UCKL1: variants seen among roughly 807,000 people sequenced by gnomAD.
The protein encoded by UCKL1 is uridine-cytidine kinase 1 like 1.
A neutral mutation model predicts 59.2 loss-of-function variants in UCKL1; 65 were observed. The ratio of observed to expected loss-of-function variants is 1.10; its 90% CI spans 0.90 to 1.35. The LOEUF is 1.35. Ranked by LOEUF, UCKL1 falls within the 40% of genes most tolerant of loss-of-function variation. The pLI is 0.00. For missense variants in UCKL1, 703 were observed against 784.3 expected (o/e 0.90, Z 1.24); for synonymous variants, 410 against 323.1 (o/e 1.27, Z -2.88).
Position 63,956,416 on chromosome 20 carries a change from T to C in UCKL1, c.-44A>G, listed in dbSNP as rs2058684113. The C allele has an allele frequency of 7.5e-7, 1 of 1,341,372 alleles. No homozygotes were observed. 83.1% of individuals were successfully genotyped at this position (1,341,372 alleles called of 1,614,324 possible). On this transcript the variant is annotated 5_prime_UTR_variant, in exon 1 of 15. The change abolishes an upstream ATG in the 5' untranslated region. Transcript: ENST00000354216. ...TGCGGGCCTGGCCGGGCGGCGCGCA[T>C]GGGCCGCCGGGAGCTGGCGGGTCCC...
intron 1 of UCKL1, chr20:63,953,701 G>A (rs2058075450): frequency 6.6e-6 from 1 of 152,194 alleles, no homozygotes; most frequent in Admixed American, 6.6e-5. Context: ...AAAAAAAAAA[G>A]AAAGGAAGAA....
In UCKL1 at chr20:63,946,421, G is replaced by A. The variant is rs371314859; in HGVS notation, c.304+32C>T. Reference sequence around the variant, plus strand: ...GGAGGGGAGCCGGAGGCAGGCGTCCGGCAGCAGGTCCCACCCCCCCGCTGC... The same window carrying A: ...GGAGGGGAGCCGGAGGCAGGCGTCCAGCAGCAGGTCCCACCCCCCCGCTGC... On this transcript the variant is annotated intron_variant, in intron 2 of 14. Coordinates refer to ENST00000354216, the MANE Select transcript of UCKL1 (RefSeq NM_017859.4). 3.1e-4 allele frequency: 476 copies of A among 1,518,622 alleles called. 4 individuals are homozygous for A. Among genetic ancestry groups the A allele is most frequent in the South Asian group, 2.5e-3 (194 of 78,408 alleles). The allele number at this position is 1,518,622 out of a possible 1,614,324, so 94.1% of individuals were successfully genotyped here. A position where few individuals can be genotyped will look rare whatever the true frequency, so the allele number is the denominator to read the frequency against.
intron 9 of UCKL1, 32 bp from the exon 10 acceptor site, chr20:63,941,075 G>A (rs1331825369): frequency 1.3e-6 from 2 of 1,597,840 alleles, no homozygotes; most frequent in South Asian, 1.1e-5. Flanking sequence ...GGGAGCACGC[G>A]CCCGGGGCCG....
intron 1 of UCKL1, among the ~76,000 whole-genome samples, 155 bp from the exon 2 acceptor site, chr20:63,946,798 C>T (rs2056361063): frequency 6.6e-6 from 1 of 152,064 alleles, no homozygotes; most frequent in African/African-American, 2.4e-5. Flanking sequence ...TCTGCCTGGG[C>T]TGGGCGTGGT....
intron 8 of UCKL1, 126 bp from the exon 9 acceptor site, chr20:63,941,334 C>T (rs1419721078): frequency 1.4e-6 from 2 of 1,393,448 alleles, no homozygotes; most frequent in South Asian, 1.4e-5. Context: ...AGGTGCAGAG[C>T]GGGCCTGACT....
In UCKL1 at chr20:63,940,857, C is replaced by CTG; in HGVS notation, c.1117-3_1117-2dup. Reference sequence around the variant, plus strand: ...CCTGCGGGGTCTGTACGACGCAGTCCTGTGGGGTGCAGGGTGAGGACTCCG... The same window carrying CTG: ...CCTGCGGGGTCTGTACGACGCAGTCCTGTGTGGGGTGCAGGGTGAGGACTCCG... On this transcript the variant is annotated splice_acceptor_variant, in intron 10 of 14. Transcript: ENST00000354216. LOFTEE classifies it high-confidence loss of function. 6.5e-7 allele frequency: 1 copy of CTG among 1,539,298 alleles called. No homozygotes were observed. The highest frequency in any genetic ancestry group is 1.4e-5 in the African/African-American group (1 of 73,300).
At chr20:63,940,506 G>A in intron 12 of UCKL1, 21 bp from the exon 13 acceptor site, 2 of 1,607,472 alleles carry the variant, frequency 1.2e-6, no homozygotes, top group Non-Finnish European at 1.7e-6. Context: ...CAGGGGTCAG[G>A]CTGCAGGTGG....
rs1483455511 is a variant in UCKL1, at chr20:63,943,648, C to A, written c.923+5G>T. 1.9e-6 allele frequency: 3 copies of A among 1,612,620 alleles called. No individual in the cohort carries two copies. Among genetic ancestry groups the A allele is most frequent in the Non-Finnish European group, 2.5e-6 (3 of 1,179,908 alleles). On this transcript the variant is annotated splice_donor_5th_base_variant and intron_variant, in intron 8 of 14. Transcript: ENST00000354216. ...CATCTGTGCAGACAGCTGTGCAAGT[C>A]TTACCTGACGCTGAGTTCACGCTGT... is the stretch of plus-strand genomic sequence containing the variant.
intron 5 of UCKL1, 135 bp from the exon 6 acceptor site, chr20:63,944,869 G>A: frequency 1.9e-6 from 2 of 1,062,824 alleles, no homozygotes; most frequent in Non-Finnish European, 2.7e-6. Context: ...CCTGGCAGGT[G>A]GGGAGGAGTG....
chr20:63,949,040 C>G (rs2057138364), intron 1 of UCKL1, among the ~76,000 whole-genome samples: 1 of 152,096 alleles, frequency 6.6e-6, no homozygotes, highest in Admixed American at 6.5e-5. Flanking sequence ...AGTGTGGCAG[C>G]ATTTAAAGCA....
chr20:63,942,852 G>A (rs1569048185), intron 8 of UCKL1: 1 of 400,524 alleles, frequency 2.5e-6, no homozygotes, highest in African/African-American at 2.1e-5. Flanking sequence ...AAGACCTGCG[G>A]GTTCCTAGGC....
intron 7 of UCKL1, 84 bp downstream of exon 7, chr20:63,944,313 G>A: frequency 7.4e-7 from 1 of 1,357,474 alleles, no homozygotes; most frequent in Non-Finnish European, 1.0e-6. Context: ...GGGATGAGGT[G>A]ACCAGGCCAC....
intron 1 of UCKL1, among the ~76,000 whole-genome samples, chr20:63,953,075 A>C (rs1486115245): frequency 6.6e-6 from 1 of 152,064 alleles, no homozygotes; most frequent in Non-Finnish European, 1.5e-5. Flanking sequence ...GAGAAACCTT[A>C]TCTCTACTAG....
chr20:63,945,562 T>C lies in UCKL1; in HGVS notation c.654+89A>G. On this transcript the variant is annotated intron_variant, in intron 5 of 14. Transcript: ENST00000354216. ...CTAGGCCTATACAGTGTGGAGGCCTTGGGGACAGGGCAGGAGGACGCACAC... is the reference window on the plus strand; with the variant it reads ...CTAGGCCTATACAGTGTGGAGGCCTCGGGGACAGGGCAGGAGGACGCACAC... 3.6e-6 allele frequency: 5 copies of C among 1,396,936 alleles called. No individual in the cohort carries two copies. In the South Asian group the frequency reaches 6.3e-5, roughly 18 times the overall value. The allele number at this position is 1,396,936 out of a possible 1,614,324, so 86.5% of individuals were successfully genotyped here.
chr20:63,955,750 C>G (rs2058512182), intron 1 of UCKL1: 1 of 152,296 alleles, frequency 6.6e-6, no homozygotes, highest in South Asian at 2.1e-4. Flanking sequence ...GCGGGTTCCT[C>G]CCGCTGCACC....
In UCKL1 at chr20:63,941,135, C is replaced by G; in HGVS notation, c.997G>C (p.Val333Leu). The change falls in exon 9 of 15, where the codon GTA (valine) becomes CTA (leucine). Residue 333 changes from valine (V) to leucine (L), a missense_variant. Coordinates refer to ENST00000354216, the MANE Select transcript of UCKL1 (RefSeq NM_017859.4). Reference sequence around the variant, plus strand: ...CTGATGATGGTGTGCATGCCCCGTACCTGCGGCGTGCTCTTCAGGACGCTC... The same window carrying G: ...CTGATGATGGTGTGCATGCCCCGTAGCTGCGGCGTGCTCTTCAGGACGCTC... ...TLSVLKSTPQ[V>L]RGMHTIIRDK... is the part of the protein sequence containing the mutation. 1 of 1,595,764 alleles carries G rather than the reference C, an allele frequency of 6.3e-7. No homozygotes were observed. Among genetic ancestry groups the G allele is most frequent in the Non-Finnish European group, 8.5e-7 (1 of 1,174,734 alleles).
In UCKL1 at chr20:63,947,980, G is replaced by A. The variant is rs1041523685; in HGVS notation, c.114-1337C>T. The stretch of plus-strand genomic sequence containing the variant: ...GCCTCTGGGGAGGCTCAATATGGCC[G>A]AGTGCCCTGCTGGGGGGTTGGGGGG... On this transcript the variant is annotated intron_variant, in intron 1 of 14. Transcript: ENST00000354216. Among the ~76,000 whole-genome samples, 15 of 152,144 alleles carry A rather than the reference G, an allele frequency of 9.9e-5. No homozygotes were observed. The East Asian group carries it at 1.9e-3, about 20-fold the overall frequency.
chr20:63,946,397 G>A, intron 2 of UCKL1, 56 bp downstream of exon 2: 4 of 1,514,534 alleles, frequency 2.6e-6, no homozygotes, highest in Non-Finnish European at 3.6e-6. Flanking sequence ...ACAGGCACTG[G>A]AGGGGAGCCG....
Position 63,945,945 on chromosome 20 carries a change from C to CG in UCKL1, c.441dup (p.Ala148ArgfsTer14). ...TGGTCGAAGTTGAAGTTGTTGTGTG[C>CG]GGCCTGTTCCTGCTGCTGCTCAGTC... is the stretch of plus-strand genomic sequence containing the variant. On this transcript the variant is annotated frameshift_variant, in exon 4 of 15. Coordinates refer to ENST00000354216, the MANE Select transcript of UCKL1 (RefSeq NM_017859.4). LOFTEE classifies it high-confidence loss of function. 1 of 1,613,794 alleles carries CG rather than the reference C, an allele frequency of 6.2e-7. No individual in the cohort carries two copies. Among genetic ancestry groups the CG allele is most frequent in the Non-Finnish European group, 8.5e-7 (1 of 1,179,958 alleles).
Sources: gnomAD v4.1 joint callset for allele counts (sites outside exome capture counted in the v4.1 genomes callset) on GRCh38, gnomAD v4.1.1 for gene constraint, MANE v1.5 for transcripts, NCBI Gene and HGNC (gene_info 2026-07-23, HGNC 2026-07-21) for gene names.